Variants in ZFX observed in about 807,000 individuals in gnomAD.
ZFX encodes the protein zinc finger X-chromosomal protein.
For synonymous variants in ZFX, 196 were observed against 226.8 expected (o/e 0.86, Z 1.22); for missense variants, 362 against 628.3 (o/e 0.58, Z 4.53).
intron 3 of ZFX, among the ~76,000 whole-genome samples, chrX:24,171,794 T>A (rs1440190650): frequency 9.1e-6 from 1 of 110,043 alleles, no homozygotes; most frequent in Non-Finnish European, 1.9e-5. Context: ...AACAGCTGTC[T>A]CCCCTCCCTG....
Position 24,215,311 on chromosome X carries a change from G to GA in ZFX, c.*3940dup, listed in dbSNP as rs1938392437. 9.1e-6 allele frequency: 1 copy of GA among 110,306 alleles called. No homozygotes were observed. The highest frequency in any genetic ancestry group is 3.4e-5 in the African/African-American group (1 of 29,644). 9.1% of individuals were successfully genotyped at this position (110,306 alleles called of 1,213,427 possible). On this transcript the variant is annotated 3_prime_UTR_variant, in exon 10 of 10. Transcript: ENST00000304543. The stretch of plus-strand genomic sequence containing the variant: ...CCACAAATTCTAGCATTCATGTAAG[G>GA]AAAAACATGGCTAATCAATATCTTA...
intron 3 of ZFX, among the ~76,000 whole-genome samples, chrX:24,166,561 A>G (rs1240457608): frequency 8.9e-6 from 1 of 112,097 alleles, no homozygotes; most frequent in Non-Finnish European, 1.9e-5. Flanking sequence ...TTGATCTGTT[A>G]AGTGTTGATA....
chrX:24,172,000 A>G (rs1213478177), intron 3 of ZFX, among the ~76,000 whole-genome samples: 2 of 109,775 alleles, frequency 1.8e-5, no homozygotes, highest in Admixed American at 2.0e-4. Context: ...CAGGGATAGG[A>G]CTTTGATTTT....
At chrX:24,181,811 C>A (rs1935710497) in intron 5 of ZFX, among the ~76,000 whole-genome samples, 1 of 111,390 alleles carries the variant, frequency 9.0e-6, no homozygotes, top group Non-Finnish European at 1.9e-5. Context: ...TTTCGCCATT[C>A]TGATAGGGAA....
chrX:24,167,341 ATCAC>A (rs1934096952), intron 3 of ZFX, among the ~76,000 whole-genome samples: 2 of 111,624 alleles, frequency 1.8e-5, no homozygotes, highest in South Asian at 7.5e-4. Flanking sequence ...AACAGGAATT[ATCAC>A]TTGGGCTGAA....
At chrX:24,188,972 G>A (rs747308215) in intron 5 of ZFX, among the ~76,000 whole-genome samples, 1 of 110,923 alleles carries the variant, frequency 9.0e-6, no homozygotes, top group South Asian at 3.8e-4. Flanking sequence ...CGAGTAGCTG[G>A]GACTACAAGT....
In ZFX at chrX:24,183,466, C is replaced by T. The variant is rs57440923; in HGVS notation, c.646+3696C>T. ...CCTCCCAAAGTGCTGGGATTACGGA[C>T]GTGAGCTACCACGCCTGGCCGAAAA... On this transcript the variant is annotated intron_variant, in intron 5 of 9. Transcript: ENST00000304543. Among the ~76,000 whole-genome samples, 1,023 of 111,425 alleles carry T rather than the reference C, an allele frequency of 9.2e-3. 11 individuals are homozygous for T. Among genetic ancestry groups the T allele is most frequent in the African/African-American group, 0.031 (956 of 30,639 alleles).
chrX:24,204,979 A>G (rs1937520510), intron 5 of ZFX, among the ~76,000 whole-genome samples: 1 of 112,391 alleles, frequency 8.9e-6, no homozygotes, highest in Non-Finnish European at 1.9e-5. Flanking sequence ...TGACTTTTTC[A>G]TATTTGCATC....
chrX:24,184,311 T>G (rs190167116), intron 5 of ZFX, among the ~76,000 whole-genome samples: 286 of 111,510 alleles, frequency 2.6e-3, no homozygotes, highest in Non-Finnish European at 4.1e-3. Context: ...GGTGAAATAC[T>G]GAAGAGGATA....
chrX:24,177,528 C>T (rs1330172314), intron 4 of ZFX, among the ~76,000 whole-genome samples: 2 of 111,386 alleles, frequency 1.8e-5, no homozygotes, highest in Admixed American at 9.6e-5. Context: ...GGGGCAGCTC[C>T]TGCTCCAACT....
chrX:24,198,372 T>A (rs977496835), intron 5 of ZFX, among the ~76,000 whole-genome samples: 5 of 110,330 alleles, frequency 4.5e-5, no homozygotes, highest in African/African-American at 1.3e-4. Context: ...CCAGCTAATT[T>A]AAAAATTTTT....
At chrX:24,154,866 T>G (rs1016803590) in intron 3 of ZFX, among the ~76,000 whole-genome samples, 2 of 111,912 alleles carry the variant, frequency 1.8e-5, no homozygotes, top group Admixed American at 1.9e-4. Flanking sequence ...GCTATTATCC[T>G]TAGCAAACTA....
chrX:24,216,127 C>G lies in ZFX; in HGVS notation c.*4751C>G, dbSNP rs1381575385. The G allele has an allele frequency of 6.3e-5, 7 of 111,219 alleles. No homozygotes were observed. The highest frequency in any genetic ancestry group is 9.4e-5 in the Non-Finnish European group (5 of 53,047). The allele number at this position is 111,219 out of a possible 1,213,427, so 9.2% of individuals were successfully genotyped here. A position where few individuals can be genotyped will look rare whatever the true frequency, so the allele number is the denominator to read the frequency against. On this transcript the variant is annotated 3_prime_UTR_variant, in exon 10 of 10. Coordinates refer to ENST00000304543, the MANE Select transcript of ZFX (RefSeq NM_003410.4). ...GTTGGCTATAGACAAGGTATATACT[C>G]GAAACGAGGAGACTTAAATCACACA...
intron 3 of ZFX, among the ~76,000 whole-genome samples, chrX:24,165,164 A>G (rs955898887): frequency 1.8e-5 from 2 of 112,037 alleles, no homozygotes. Context: ...CTCTATCACC[A>G]GGCTGGAGTG....
At chrX:24,182,017 T>C (rs138158190) in intron 5 of ZFX, among the ~76,000 whole-genome samples, 7 of 110,182 alleles carry the variant, frequency 6.4e-5, no homozygotes, top group South Asian at 3.9e-4. Context: ...GGAAGAAAAA[T>C]GGATGAGATT....
chrX:24,155,118 G>A (rs998662526), intron 3 of ZFX, among the ~76,000 whole-genome samples: 2 of 110,037 alleles, frequency 1.8e-5, no homozygotes, highest in East Asian at 2.8e-4. Context: ...ATGTACTCCC[G>A]AACCTAAAAT....
At chrX:24,161,997 G>A (rs1489211310) in intron 3 of ZFX, among the ~76,000 whole-genome samples, 1 of 106,992 alleles carries the variant, frequency 9.3e-6, no homozygotes, top group Non-Finnish European at 1.9e-5. Context: ...ATTGCACCTG[G>A]CCCTAATGTA....
At chrX:24,151,958 G>A (rs1402855492) in intron 2 of ZFX, among the ~76,000 whole-genome samples, 158 bp downstream of exon 2, 1 of 111,932 alleles carries the variant, frequency 8.9e-6, no homozygotes, top group African/African-American at 3.2e-5. Context: ...TATTAAGACA[G>A]CTGCTCCTTT....
At chrX:24,169,663 G>A in intron 3 of ZFX, among the ~76,000 whole-genome samples, 2 of 110,172 alleles carry the variant, frequency 1.8e-5, no homozygotes, top group Admixed American at 1.9e-4. Flanking sequence ...TGTGAGCAGA[G>A]AAGAAGAAAA....
Sources: gnomAD v4.1 joint callset for allele counts (sites outside exome capture counted in the v4.1 genomes callset) on GRCh38, gnomAD v4.1.1 for gene constraint, MANE v1.5 for transcripts, NCBI Gene and HGNC (gene_info 2026-07-23, HGNC 2026-07-21) for gene names.